Variants in HEPH observed in about 807,000 individuals in gnomAD.
The protein encoded by HEPH is hephaestin.
Under a neutral mutation model 80.8 loss-of-function variants are expected in HEPH, and 69 were observed. The ratio of observed to expected loss-of-function variants is 0.85; its 90% confidence interval spans 0.70 to 1.04. The LOEUF (loss-of-function observed/expected upper bound fraction) is 1.04. Ranked by LOEUF, HEPH falls within the 50% of genes least tolerant of loss-of-function variation. The probability of loss-of-function intolerance (pLI) is 0.00; values close to 1 mark genes in which losing one functional copy is unlikely to be tolerated. For synonymous variants in HEPH, 431 were observed against 322.8 expected (o/e 1.34, Z -3.60); for missense variants, 1,115 against 891.3 (o/e 1.25, Z -3.20).
chrX:66,255,057 G>T lies in HEPH; in HGVS notation c.2586G>T (p.Trp862Cys), dbSNP rs762508969. Residue 862 changes from tryptophan to cysteine, a missense_variant, in exon 16 of 21, where the codon TGG (tryptophan) becomes TGT (cysteine). Trp to Cys is a radical substitution (Grantham distance 215). Transcript: ENST00000343002. ...AEPGEVVTYQ[W>C]NIPERSGPGP... ...TAGGTGAGGTGGTCACTTATCAGTG[G>T]AACATCCCAGAGAGGTCTGGCCCTG... 8.3e-7 allele frequency: 1 copy of T among 1,203,542 alleles called. No homozygotes were observed.
intron 15 of HEPH, among the ~76,000 whole-genome samples, chrX:66,246,336 G>A (rs1336752519): frequency 1.8e-5 from 2 of 111,688 alleles, no homozygotes; most frequent in African/African-American, 3.3e-5. Flanking sequence ...AGACAGCAGG[G>A]GGCTACAGAT....
At chrX:66,224,281 C>A (rs1479347329) in intron 15 of HEPH, among the ~76,000 whole-genome samples, 1 of 111,229 alleles carries the variant, frequency 9.0e-6, no homozygotes, top group Admixed American at 9.5e-5. Context: ...ATTAATCAGA[C>A]CTTGTTTTGT....
At chrX:66,251,937 G>T (rs1381049845) in intron 15 of HEPH, among the ~76,000 whole-genome samples, 2 of 112,026 alleles carry the variant, frequency 1.8e-5, no homozygotes, top group Admixed American at 1.9e-4. Context: ...GATGTGGCAT[G>T]GTTTACTTTG....
chrX:66,225,312 C>G (rs2089831195), intron 15 of HEPH, among the ~76,000 whole-genome samples: 2 of 111,683 alleles, frequency 1.8e-5, no homozygotes, highest in Non-Finnish European at 3.8e-5. Flanking sequence ...GACAAAACAC[C>G]ACGCTTACAT....
At chrX:66,179,464 T>G (rs896018881) in intron 4 of HEPH, among the ~76,000 whole-genome samples, 1 of 111,900 alleles carries the variant, frequency 8.9e-6, no homozygotes, top group East Asian at 2.8e-4. Flanking sequence ...TTATAGTAGT[T>G]TTTTCCAATT....
chrX:66,216,234 C>T (rs1463593196), intron 15 of HEPH, among the ~76,000 whole-genome samples: 2 of 111,788 alleles, frequency 1.8e-5, no homozygotes, highest in African/African-American at 3.3e-5. Context: ...ACACCTGCAG[C>T]TGATGTGTTC....
chrX:66,216,396 C>A (rs777403826), intron 15 of HEPH, among the ~76,000 whole-genome samples: 1 of 111,989 alleles, frequency 8.9e-6, no homozygotes, highest in Non-Finnish European at 1.9e-5. Context: ...GACATGAAGA[C>A]GGATTATATC....
intron 7 of HEPH, among the ~76,000 whole-genome samples, chrX:66,193,192 G>A (rs2087904812): frequency 9.1e-6 from 1 of 110,290 alleles, no homozygotes; most frequent in African/African-American, 3.3e-5. Context: ...CCCAGTGCCT[G>A]GAAATTATAA....
chrX:66,233,728 T>A (rs2090248983), intron 15 of HEPH, among the ~76,000 whole-genome samples: 1 of 110,364 alleles, frequency 9.1e-6, no homozygotes, highest in Non-Finnish European at 1.9e-5. Flanking sequence ...TACTATATAT[T>A]AAAATTAAAT....
intron 5 of HEPH, among the ~76,000 whole-genome samples, chrX:66,188,906 T>C (rs2087639552): frequency 8.9e-6 from 1 of 112,543 alleles, no homozygotes. Flanking sequence ...TTGATTTGTT[T>C]TAAAAAGGAA....
intron 15 of HEPH, among the ~76,000 whole-genome samples, chrX:66,209,979 G>A (rs1220837393): frequency 9.0e-6 from 1 of 111,520 alleles, no homozygotes; most frequent in African/African-American, 3.3e-5. Context: ...GATGTGGGAA[G>A]CATCAACATC....
intron 15 of HEPH, among the ~76,000 whole-genome samples, chrX:66,212,186 G>GT (rs34500733): frequency 0.023 from 2,182 of 93,806 alleles, 34 homozygotes; most frequent in Non-Finnish European, 0.037. Context: ...TTTTTAATGT[G>GT]TTTTTTTTTT....
At chrX:66,268,689 A>C (rs1033932618), downstream of HEPH, 1 of 111,784 alleles carries the variant, frequency 8.9e-6, no homozygotes, top group Admixed American at 9.5e-5. Flanking sequence ...ATTTCTTCTT[A>C]TTTTGTAATC....
chrX:66,234,607 CTG>C (rs1490428017), intron 15 of HEPH, among the ~76,000 whole-genome samples: 4 of 108,152 alleles, frequency 3.7e-5, no homozygotes, highest in African/African-American at 1.3e-4. Flanking sequence ...TTAATAATAA[CTG>C]TATGGGTATG....
chrX:66,170,322 A>G, intron 1 of HEPH: 1 of 324,007 alleles, frequency 3.1e-6, no homozygotes, highest in Non-Finnish European at 5.5e-6. Flanking sequence ...CTTCTGAAGG[A>G]ACTAGTAATA....
chrX:66,206,712 G>T (rs932481553), intron 13 of HEPH, among the ~76,000 whole-genome samples: 2 of 109,761 alleles, frequency 1.8e-5, no homozygotes, highest in South Asian at 3.9e-4. Context: ...GTGGTGAGAA[G>T]TCTGACATTA....
chrX:66,186,594 C>T (rs1272222745), intron 4 of HEPH, among the ~76,000 whole-genome samples: 8 of 112,418 alleles, frequency 7.1e-5, no homozygotes, highest in Non-Finnish European at 1.3e-4. Flanking sequence ...GGCCTGCGCC[C>T]ACTGTCTGGC....
chrX:66,236,704 C>T (rs1239422777), intron 15 of HEPH, among the ~76,000 whole-genome samples: 1 of 111,299 alleles, frequency 9.0e-6, no homozygotes, highest in Non-Finnish European at 1.9e-5. Context: ...GATCTTTGTA[C>T]ACCTTGTAGA....
intron 1 of HEPH, among the ~76,000 whole-genome samples, chrX:66,169,535 T>C (rs1395704023): frequency 8.9e-6 from 1 of 112,086 alleles, no homozygotes; most frequent in Non-Finnish European, 1.9e-5. Context: ...GGTCTGATTC[T>C]GACTCAGGAT....
Sources: gnomAD v4.1 joint callset for allele counts (sites outside exome capture counted in the v4.1 genomes callset) on GRCh38, gnomAD v4.1.1 for gene constraint, MANE v1.5 for transcripts, NCBI Gene and HGNC (gene_info 2026-07-23, HGNC 2026-07-21) for gene names.